Variants in TMTC2 observed in about 807,000 individuals in gnomAD.
TMTC2 encodes the protein protein O-mannosyl-transferase TMTC2.
TMTC2 carries 43 observed loss-of-function variants against 82.4 expected under a neutral mutation model. That is an observed-to-expected ratio of 0.52 (90% CI 0.41 to 0.67). The LOEUF (loss-of-function observed/expected upper bound fraction) is 0.67, where lower values mean the gene tolerates loss of function less well. Among genes scored for constraint, TMTC2 ranks in the 30% least tolerant of loss-of-function variants. The probability of loss-of-function intolerance (pLI) is 0.00; values close to 1 mark genes in which losing one functional copy is unlikely to be tolerated. For missense variants in TMTC2, 919 were observed against 1,012.4 expected, an observed-to-expected ratio of 0.91 and a Z score of 1.25; for synonymous variants, 408 against 381.9, an observed-to-expected ratio of 1.07 and a Z score of -0.80.
intron 10 of TMTC2, among the ~76,000 whole-genome samples, chr12:83,054,012 C>A (rs1198195887): frequency 1.3e-5 from 2 of 152,062 alleles, no homozygotes; most frequent in African/African-American, 4.8e-5. Context: ...CTGCATGCCT[C>A]TTATTTGTCA....
chr12:82,742,519 T>C (rs115547671), intron 1 of TMTC2, among the ~76,000 whole-genome samples: 1 of 150,318 alleles, frequency 6.7e-6, no homozygotes, highest in Non-Finnish European at 1.5e-5. Context: ...ATCCTGTATA[T>C]TCTTTTTTTT....
chr12:82,828,788 A>G (rs569689660), intron 1 of TMTC2, among the ~76,000 whole-genome samples: 14 of 152,292 alleles, frequency 9.2e-5, no homozygotes, highest in Admixed American at 9.1e-4. Flanking sequence ...TATGACTTAA[A>G]GGAAAAACCT....
At chr12:82,689,600 G>C (rs1159127461) in intron 1 of TMTC2, among the ~76,000 whole-genome samples, 3 of 152,176 alleles carry the variant, frequency 2.0e-5, no homozygotes, top group African/African-American at 7.2e-5. Flanking sequence ...ATTTGGATAT[G>C]CATTTTTCTA....
At chr12:82,811,499 G>C (rs1383017046) in intron 1 of TMTC2, among the ~76,000 whole-genome samples, 2 of 151,936 alleles carry the variant, frequency 1.3e-5, no homozygotes, top group African/African-American at 4.8e-5. Flanking sequence ...TAAATTCTAA[G>C]TAGTGTTGTC....
intron 1 of TMTC2, chr12:82,760,889 C>A: frequency 2.5e-6 from 1 of 400,254 alleles, no homozygotes; most frequent in South Asian, 1.7e-5. Context: ...CATCTAGTTG[C>A]AGGAAAACAA....
chr12:82,798,709 A>C (rs1878848576), intron 1 of TMTC2, among the ~76,000 whole-genome samples: 2 of 149,790 alleles, frequency 1.3e-5, no homozygotes, highest in Admixed American at 6.7e-5. Flanking sequence ...TGGGAGGCTG[A>C]GGCAGGAGAA....
At chr12:82,974,218 G>A (rs1173102735) in intron 7 of TMTC2, among the ~76,000 whole-genome samples, 1 of 151,972 alleles carries the variant, frequency 6.6e-6, no homozygotes, top group Non-Finnish European at 1.5e-5. Flanking sequence ...ACCCACGCCC[G>A]TGGACACACA....
chr12:82,872,651 T>G (rs561784808), intron 2 of TMTC2, among the ~76,000 whole-genome samples: 5 of 152,282 alleles, frequency 3.3e-5, no homozygotes, highest in Admixed American at 3.3e-4. Flanking sequence ...AATACAAAAT[T>G]GCTTAGACTA....
chr12:82,841,020 TC>T (rs1340832527), intron 1 of TMTC2, among the ~76,000 whole-genome samples: 1 of 152,142 alleles, frequency 6.6e-6, no homozygotes, highest in African/African-American at 2.4e-5. Flanking sequence ...CCTCAGGTGA[TC>T]CACCCACCTC....
chr12:83,099,765 C>T (rs997769315), intron 11 of TMTC2, among the ~76,000 whole-genome samples: 10 of 151,740 alleles, frequency 6.6e-5, no homozygotes, highest in Middle Eastern at 3.4e-3. Context: ...TTTGGGTAAC[C>T]TTACCCTTGC....
chr12:83,013,728 G>C (rs1277445746), intron 8 of TMTC2, among the ~76,000 whole-genome samples: 1 of 152,174 alleles, frequency 6.6e-6, no homozygotes, highest in Non-Finnish European at 1.5e-5. Flanking sequence ...GCAGGTATTT[G>C]TATACTGCAA....
At chr12:82,725,477 T>C (rs1416971023) in intron 1 of TMTC2, among the ~76,000 whole-genome samples, 1 of 152,188 alleles carries the variant, frequency 6.6e-6, no homozygotes. Flanking sequence ...ATTAATACTT[T>C]GATATCATAA....
intron 7 of TMTC2, among the ~76,000 whole-genome samples, chr12:82,985,139 G>A (rs577420972): frequency 1.3e-5 from 2 of 152,074 alleles, no homozygotes; most frequent in South Asian, 4.2e-4. Flanking sequence ...GCTCACCGTA[G>A]CCTTGATCTC....
intron 3 of TMTC2, among the ~76,000 whole-genome samples, chr12:82,903,392 G>GT (rs1003416931): frequency 2.2e-4 from 31 of 142,274 alleles, no homozygotes; most frequent in Admixed American, 1.8e-3. Flanking sequence ...AGAAGGTAGA[G>GT]TTTTTTTGTT....
At chr12:82,987,198 C>T (rs1194975623) in intron 8 of TMTC2, among the ~76,000 whole-genome samples, 1 of 151,870 alleles carries the variant, frequency 6.6e-6, no homozygotes, top group Non-Finnish European at 1.5e-5. Flanking sequence ...CCGAGGCAGG[C>T]AGATCACCTG....
chr12:82,868,959 A>G (rs372327008), intron 2 of TMTC2, among the ~76,000 whole-genome samples: 1 of 152,110 alleles, frequency 6.6e-6, no homozygotes, highest in South Asian at 2.1e-4. Flanking sequence ...ATATTTCATG[A>G]ACTATTTTGG....
intron 1 of TMTC2, among the ~76,000 whole-genome samples, chr12:82,752,147 CT>C (rs1555182219): frequency 0.028 from 3,882 of 137,870 alleles, 224 homozygotes; most frequent in African/African-American, 0.1. Context: ...TTGGAAGCTC[CT>C]TTTTTTTTTT....
intron 11 of TMTC2, among the ~76,000 whole-genome samples, chr12:83,121,180 T>A (rs1884935839): frequency 6.6e-6 from 1 of 152,206 alleles, no homozygotes. Flanking sequence ...TTGGTTTGGA[T>A]CCATTGCTGG....
intron 1 of TMTC2, among the ~76,000 whole-genome samples, chr12:82,794,398 G>A (rs555384975): frequency 5.0e-4 from 76 of 152,232 alleles, no homozygotes; most frequent in African/African-American, 1.8e-3. Flanking sequence ...AACACAAATT[G>A]AGGTATATTG....
Sources: gnomAD v4.1 joint callset for allele counts (sites outside exome capture counted in the v4.1 genomes callset) on GRCh38, gnomAD v4.1.1 for gene constraint, MANE v1.5 for transcripts, NCBI Gene and HGNC (gene_info 2026-07-23, HGNC 2026-07-21) for gene names.